The following ADRA1A variants were observed in gnomAD, a reference collection of about 807,000 sequenced individuals.
The protein encoded by ADRA1A is adrenoceptor alpha 1A.
In ADRA1A, 31 loss-of-function variants were observed where a neutral mutation model predicts 29.6. That is an observed-to-expected ratio of 1.05 (90% CI 0.79 to 1.41). The LOEUF (loss-of-function observed/expected upper bound fraction) is 1.41, where lower values mean the gene tolerates loss of function less well. Ranked by LOEUF, ADRA1A falls within the 40% of genes most tolerant of loss-of-function variation. The probability of loss-of-function intolerance (pLI) is 0.00; values close to 1 mark genes in which losing one functional copy is unlikely to be tolerated. For synonymous variants in ADRA1A, 311 were observed against 254.3 expected (o/e 1.22, Z -2.12); for missense variants, 619 against 601.1 (o/e 1.03, Z -0.31).
intron 2 of ADRA1A, among the ~76,000 whole-genome samples, chr8:26,804,962 G>GTC (rs145521520): frequency 2.6e-5 from 4 of 152,128 alleles, no homozygotes; most frequent in Non-Finnish European, 5.9e-5. Context: ...TTCGGAGTCA[G>GTC]TCTCTCTCTC....
At chr8:26,857,698 C>T (rs1281972950) in intron 2 of ADRA1A, among the ~76,000 whole-genome samples, 1 of 152,088 alleles carries the variant, frequency 6.6e-6, no homozygotes, top group Non-Finnish European at 1.5e-5. Context: ...CCTAATGGCA[C>T]TAGTTTTTCT....
chr8:26,755,855 C>T (rs1805139477), downstream of ADRA1A, among the ~76,000 whole-genome samples: 1 of 152,204 alleles, frequency 6.6e-6, no homozygotes, highest in Non-Finnish European at 1.5e-5. Flanking sequence ...ACTGCAAGAG[C>T]AGCTCTCTTT....
Position 26,848,444 on chromosome 8 carries a change from GCTCTCT to G in ADRA1A, c.883+15637_883+15642del, listed in dbSNP as rs144489462. ...TATACAAAGAGGAAGGTACCAGAGAGCTCTCTCTCTCTCTCTCTTCATCAGGTGAGA... is the reference window on the plus strand; with the variant it reads ...TATACAAAGAGGAAGGTACCAGAGAGCTCTCTCTCTCTTCATCAGGTGAGA... On this transcript the variant is annotated intron_variant, in intron 2 of 2. Coordinates refer to ENST00000380573, the MANE Select transcript of ADRA1A (RefSeq NM_000680.4). This position sits in a 1 kb window ranked among gnomAD's most constrained non-coding sequence, Gnocchi z 4.3. Among the ~76,000 whole-genome samples, 2 of 149,986 alleles carry G rather than the reference GCTCTCT, an allele frequency of 1.3e-5. No homozygotes were observed. Among genetic ancestry groups the G allele is most frequent in the African/African-American group, 4.9e-5 (2 of 41,026 alleles).
intron 2 of ADRA1A, among the ~76,000 whole-genome samples, chr8:26,785,157 G>T (rs1807279724): frequency 6.6e-6 from 1 of 152,028 alleles, no homozygotes; most frequent in Non-Finnish European, 1.5e-5. Flanking sequence ...TTGCAATAAG[G>T]TGTACATTAG....
At chr8:26,755,469 A>G (rs1481147991), downstream of ADRA1A, among the ~76,000 whole-genome samples, 2 of 152,210 alleles carry the variant, frequency 1.3e-5, no homozygotes, top group Non-Finnish European at 2.9e-5. Flanking sequence ...AGTGGCCACC[A>G]TGATAAGCGA....
At chr8:26,763,973 T>G (rs528913383), downstream of ADRA1A, among the ~76,000 whole-genome samples, 182 of 152,302 alleles carry the variant, frequency 1.2e-3, no homozygotes, top group Non-Finnish European at 1.9e-3. The surrounding 1 kb of genome is among the most constrained non-coding windows in gnomAD (Gnocchi z 4.5). Flanking sequence ...TTGGTTAATC[T>G]GGGAACATCC....
At position 26,832,259 on chromosome 8, in the gene ADRA1A, G is replaced by C. The variant is rs534211690; in HGVS notation, c.883+31828C>G. Among the ~76,000 whole-genome samples, 6 of 152,286 alleles carry C rather than the reference G, an allele frequency of 3.9e-5. No homozygotes were observed. In the South Asian group the frequency reaches 1.2e-3, roughly 32 times the overall value. On this transcript the variant is annotated intron_variant, in intron 2 of 2. Transcript: ENST00000380573. ...TTGCTGGTGAAACCCTGTCCCAGACGCCTGAGAAAGTGACCTGGCAACATC... is the reference window on the plus strand; with the variant it reads ...TTGCTGGTGAAACCCTGTCCCAGACCCCTGAGAAAGTGACCTGGCAACATC...
At chr8:26,802,029 C>A (rs1025720147) in intron 2 of ADRA1A, among the ~76,000 whole-genome samples, 7 of 152,150 alleles carry the variant, frequency 4.6e-5, no homozygotes, top group African/African-American at 1.7e-4. Flanking sequence ...GCTGGGGAAA[C>A]CAGATATCCA....
chr8:26,786,781 T>C (rs1447347533), intron 2 of ADRA1A, among the ~76,000 whole-genome samples: 1 of 151,802 alleles, frequency 6.6e-6, no homozygotes, highest in African/African-American at 2.4e-5. Context: ...TATCAAAGCA[T>C]CCTAAACTTT....
At chr8:26,813,286 G>A (rs1809540665) in intron 2 of ADRA1A, among the ~76,000 whole-genome samples, 1 of 152,176 alleles carries the variant, frequency 6.6e-6, no homozygotes, top group African/African-American at 2.4e-5. Flanking sequence ...ATCATTTTCA[G>A]TGACATCGTG....
chr8:26,838,662 C>T (rs1382909862), intron 2 of ADRA1A, among the ~76,000 whole-genome samples: 1 of 152,116 alleles, frequency 6.6e-6, no homozygotes, highest in African/African-American at 2.4e-5. Context: ...TTCCCAATGG[C>T]ACAAAGCAAG....
chr8:26,782,953 C>T (rs1468515865), intron 2 of ADRA1A, among the ~76,000 whole-genome samples: 1 of 152,192 alleles, frequency 6.6e-6, no homozygotes. Context: ...ACCTCTTCCA[C>T]AACATCCAAT....
intron 2 of ADRA1A, among the ~76,000 whole-genome samples, chr8:26,776,347 C>T (rs572730823): frequency 2.0e-4 from 31 of 152,178 alleles, no homozygotes; most frequent in African/African-American, 4.6e-4. Context: ...CCAGCTTCTG[C>T]GCTTCATTTT....
chr8:26,846,719 C>T (rs1409875275), intron 2 of ADRA1A, among the ~76,000 whole-genome samples: 3 of 152,212 alleles, frequency 2.0e-5, no homozygotes, highest in Non-Finnish European at 4.4e-5. Context: ...TTGCAGTGAG[C>T]CGCGATCGCG....
intron 2 of ADRA1A, among the ~76,000 whole-genome samples, chr8:26,818,760 C>A (rs115797676): frequency 2.0e-5 from 3 of 151,360 alleles, no homozygotes; most frequent in Middle Eastern, 6.9e-3. Flanking sequence ...AATAAAAAGG[C>A]CAGTAATTTG....
In ADRA1A at chr8:26,865,024, G is replaced by C. The variant is rs1284208459; in HGVS notation, c.-55C>G. 2 of 1,524,470 alleles carry C rather than the reference G, an allele frequency of 1.3e-6. No homozygotes were observed. Among genetic ancestry groups the C allele is most frequent in the African/African-American group, 1.4e-5 (1 of 72,224 alleles). 94.4% of individuals were successfully genotyped at this position (1,524,470 alleles called of 1,614,324 possible). On this transcript the variant is annotated 5_prime_UTR_variant, in exon 2 of 3. Coordinates refer to ENST00000380573, the MANE Select transcript of ADRA1A (RefSeq NM_000680.4). This position sits in a 1 kb window ranked among gnomAD's most constrained non-coding sequence, Gnocchi z 7.6. ...CTGTCCAGGGCCACCTCCCGGGCTG[G>C]CGCGGAGGCGGGAGCGCGGGAGCCG... is the stretch of plus-strand genomic sequence containing the variant.
intron 2 of ADRA1A, among the ~76,000 whole-genome samples, chr8:26,812,656 TA>T (rs1203906497): frequency 6.6e-6 from 1 of 150,620 alleles, no homozygotes. Context: ...TTTATTTATT[TA>T]TTTTCTTTAT....
chr8:26,845,903 G>T (rs1585821337), intron 2 of ADRA1A, among the ~76,000 whole-genome samples: 1 of 152,148 alleles, frequency 6.6e-6, no homozygotes, highest in African/African-American at 2.4e-5. Context: ...ATTGATGGCT[G>T]CCAGGCACTT....
intron 2 of ADRA1A, among the ~76,000 whole-genome samples, chr8:26,804,603 G>C (rs1021369004): frequency 6.6e-6 from 1 of 152,130 alleles, no homozygotes; most frequent in Non-Finnish European, 1.5e-5. Context: ...TAACTCCATG[G>C]ATTCCATGGG....
Sources: allele counts gnomAD v4.1 joint callset (sites outside exome capture counted in the v4.1 genomes callset), GRCh38; gene constraint gnomAD v4.1.1; non-coding constraint Gnocchi (gnomAD v3.1); transcripts MANE v1.5; gene names NCBI Gene and HGNC (gene_info 2026-07-23, HGNC 2026-07-21).